RGS17: variants seen among roughly 807,000 people sequenced by gnomAD.
RGS17 encodes regulator of G protein signaling 17.
In RGS17, 12 loss-of-function variants were observed where a neutral mutation model predicts 25.5. That is an observed-to-expected ratio of 0.47 (90% CI 0.30 to 0.76). The LOEUF is 0.76. RGS17 is among the 30% of genes least tolerant of loss of function. The probability of loss-of-function intolerance (pLI) is 0.07; values close to 1 mark genes in which losing one functional copy is unlikely to be tolerated. For synonymous variants in RGS17, 71 were observed against 76.9 expected, an observed-to-expected ratio of 0.92 and a Z score of 0.40; for missense variants, 196 against 242.2, an observed-to-expected ratio of 0.81 and a Z score of 1.27.
chr6:153,054,007 T>C lies in RGS17; in HGVS notation c.-25-9964A>G, dbSNP rs1562321422. On this transcript the variant is annotated intron_variant, in intron 1 of 4. Transcript: ENST00000206262. Reference sequence around the variant, plus strand: ...TATGTATATAATATATATACATATATACGTATATATGTATATAATATATAT... The same window carrying C: ...TATGTATATAATATATATACATATACACGTATATATGTATATAATATATAT... Among the ~76,000 whole-genome samples the C allele has an allele frequency of 3.8e-4, 13 of 34,532 alleles. 1 individual carries two copies. Among genetic ancestry groups the C allele is most frequent in the Non-Finnish European group, 5.4e-5 (1 of 18,508 alleles). The allele number at this position is 34,532 out of a possible 152,430, so 22.7% of individuals were successfully genotyped here. A position where few individuals can be genotyped will look rare whatever the true frequency, so the allele number is the denominator to read the frequency against.
chr6:153,039,855 G>A (rs987499836), intron 2 of RGS17, among the ~76,000 whole-genome samples: 3 of 152,102 alleles, frequency 2.0e-5, no homozygotes, highest in African/African-American at 7.2e-5. Flanking sequence ...ACTGCTTCAC[G>A]CTGTCCTGAC....
At chr6:153,129,704 G>A (rs1263483473) in intron 1 of RGS17, among the ~76,000 whole-genome samples, 1 of 152,218 alleles carries the variant, frequency 6.6e-6, no homozygotes, top group East Asian at 1.9e-4. Context: ...CCACGCTGGA[G>A]AGAATCTCGC....
rs1212753821 is a variant in RGS17 at position 153,007,741 on chromosome 6, A to T, written c.*3833T>A. The T allele has an allele frequency of 6.6e-6, 1 of 151,972 alleles. No individual in the cohort carries two copies. The highest frequency in any genetic ancestry group is 6.6e-5 in the Admixed American group (1 of 15,238). The allele number at this position is 151,972 out of a possible 1,614,324, so 9.4% of individuals were successfully genotyped here. On this transcript the variant is annotated 3_prime_UTR_variant, in exon 5 of 5. Transcript: ENST00000206262. ...CAAGTAGCCGGGATTAAAGGCACCC[A>T]CCACCATGCCCGGCTAATTTTGTAT...
chr6:153,104,953 T>C (rs559518747), intron 1 of RGS17, among the ~76,000 whole-genome samples: 1 of 151,068 alleles, frequency 6.6e-6, no homozygotes, highest in East Asian at 2.0e-4. Flanking sequence ...GGAAGGAAAA[T>C]GGCCTGGTTG....
intron 4 of RGS17, 51 bp from the exon 5 acceptor site, chr6:153,011,813 C>G (rs1459239616): frequency 5.3e-6 from 7 of 1,318,920 alleles, no homozygotes; most frequent in Non-Finnish European, 5.2e-6. Context: ...TTCAAAAGAC[C>G]TCAATTAAGT....
chr6:153,111,570 C>T (rs997714839), intron 1 of RGS17, among the ~76,000 whole-genome samples: 2 of 152,212 alleles, frequency 1.3e-5, no homozygotes, highest in Non-Finnish European at 2.9e-5. Context: ...GCAGATCTTC[C>T]AGCACAGCAC....
At chr6:153,076,555 G>T (rs1313012675) in intron 1 of RGS17, among the ~76,000 whole-genome samples, 2 of 152,138 alleles carry the variant, frequency 1.3e-5, no homozygotes, top group Non-Finnish European at 2.9e-5. Flanking sequence ...GCTGGATGGA[G>T]AAATAGTGAT....
intron 1 of RGS17, among the ~76,000 whole-genome samples, chr6:153,068,713 G>T (rs1478927394): frequency 6.6e-6 from 1 of 152,140 alleles, no homozygotes; most frequent in Non-Finnish European, 1.5e-5. Context: ...TCTGACAAGG[G>T]ATTGATAACC....
chr6:153,051,755 G>A (rs1243406574), intron 1 of RGS17, among the ~76,000 whole-genome samples: 1 of 152,130 alleles, frequency 6.6e-6, no homozygotes, highest in Non-Finnish European at 1.5e-5. Flanking sequence ...TAGAACTTAT[G>A]AGCTTGGAAA....
At chr6:153,091,032 C>T (rs1006699533) in intron 1 of RGS17, among the ~76,000 whole-genome samples, 11 of 151,876 alleles carry the variant, frequency 7.2e-5, no homozygotes, top group Admixed American at 5.9e-4. Context: ...ATGATTTAGG[C>T]AAGGATGAAA....
intron 2 of RGS17, among the ~76,000 whole-genome samples, chr6:153,034,747 G>A (rs35640783): frequency 1.9e-4 from 29 of 152,178 alleles, no homozygotes; most frequent in Non-Finnish European, 3.8e-4. Flanking sequence ...TAGAATTTGC[G>A]TGTAATTGTC....
intron 2 of RGS17, among the ~76,000 whole-genome samples, chr6:153,041,769 C>G (rs1025120892): frequency 1.3e-5 from 2 of 152,124 alleles, no homozygotes; most frequent in African/African-American, 2.4e-5. Flanking sequence ...AATAAAATAG[C>G]TTTTCCAAGA....
At chr6:153,083,950 T>G (rs2129119979) in intron 1 of RGS17, among the ~76,000 whole-genome samples, 1 of 152,332 alleles carries the variant, frequency 6.6e-6, no homozygotes, top group Admixed American at 6.5e-5. Flanking sequence ...TAAATCTCAT[T>G]TTATGAAATA....
chr6:153,127,601 T>A (rs1210370689), intron 1 of RGS17, among the ~76,000 whole-genome samples: 1 of 152,206 alleles, frequency 6.6e-6, no homozygotes, highest in South Asian at 2.1e-4. Context: ...TGACCCAAAA[T>A]TCATGCTCTT....
At chr6:153,104,832 AAAAAAG>A (rs1777355830) in intron 1 of RGS17, among the ~76,000 whole-genome samples, 1 of 152,006 alleles carries the variant, frequency 6.6e-6, no homozygotes, top group African/African-American at 2.4e-5. Context: ...TCAAAAAAAA[AAAAAAG>A]AAAAGAAAAG....
intron 1 of RGS17, among the ~76,000 whole-genome samples, chr6:153,106,221 G>C (rs565901031): frequency 6.6e-6 from 1 of 151,984 alleles, no homozygotes; most frequent in Non-Finnish European, 1.5e-5. Flanking sequence ...CACATGTCAC[G>C]TTCTGATGCA....
At chr6:153,066,274 T>C (rs567808066) in intron 1 of RGS17, among the ~76,000 whole-genome samples, 1 of 152,074 alleles carries the variant, frequency 6.6e-6, no homozygotes, top group African/African-American at 2.4e-5. Context: ...GGGGGAACCA[T>C]TGTACACTGT....
rs143474415 is a variant in RGS17 at position 153,085,241 on chromosome 6, T to C, written c.-25-41198A>G. Among the ~76,000 whole-genome samples, 355 of 152,338 alleles carry C rather than the reference T, an allele frequency of 2.3e-3. 1 individual carries two copies. The highest frequency in any genetic ancestry group is 8.2e-3 in the African/African-American group (341 of 41,576). On this transcript the variant is annotated intron_variant, in intron 1 of 4. Transcript: ENST00000206262. ...TTAGCCTTTTCTCTATTGCTAGCCA[T>C]GGCTATAACTAACGTAAATGTAATC...
chr6:153,089,617 AT>A (rs1007875667), intron 1 of RGS17, among the ~76,000 whole-genome samples: 21 of 150,236 alleles, frequency 1.4e-4, no homozygotes, highest in East Asian at 2.0e-4. Context: ...CGACTTGGTG[AT>A]TTTTTTTTTC....
Sources: allele counts gnomAD v4.1 joint callset (sites outside exome capture counted in the v4.1 genomes callset), GRCh38; gene constraint gnomAD v4.1.1; transcripts MANE v1.5; gene names NCBI Gene and HGNC (gene_info 2026-07-23, HGNC 2026-07-21).